PCLAF: variants seen among roughly 807,000 people sequenced by gnomAD.
The protein encoded by PCLAF is PCNA-associated factor.
PCLAF carries 12 observed loss-of-function variants against 15.1 expected under a neutral mutation model. The observed-to-expected ratio is 0.79, with a 90% CI of 0.51 to 1.29. PCLAF has a LOEUF of 1.29. Among genes scored for constraint, PCLAF ranks in the 50% most tolerant of loss-of-function variants. The pLI is 0.00. For synonymous variants in PCLAF, 33 were observed against 47.1 expected (o/e 0.70, Z 1.22); for missense variants, 116 against 130.9 (o/e 0.89, Z 0.56).
At chr15:64,373,124 ATAAATAGAATCATGGAAGCTTTTTCTAT>A (rs1280916649) in intron 3 of PCLAF, 2 of 152,272 alleles carry the variant, frequency 1.3e-5, no homozygotes, top group Non-Finnish European at 2.9e-5. Flanking sequence ...CACATATATA[ATAAATAGAATCATGGAAGCTTTTTCTAT>A]TACCTAATCA....
At chr15:64,386,080 G>A (rs2140538003), upstream of PCLAF, among the ~76,000 whole-genome samples, 1 of 152,188 alleles carries the variant, frequency 6.6e-6, no homozygotes, top group South Asian at 2.1e-4. Flanking sequence ...TATTGGTTCT[G>A]TCTCTGGAGA....
chr15:64,373,919 T>C lies in PCLAF; in HGVS notation c.290+2824A>G, dbSNP rs1047215172. 1.7e-5 allele frequency: 11 copies of C among 630,446 alleles called. No homozygotes were observed. The South Asian group carries it at 6.1e-4, about 35-fold the overall frequency. 39.1% of individuals were successfully genotyped at this position (630,446 alleles called of 1,614,324 possible). A position where few individuals can be genotyped will look rare whatever the true frequency, so the allele number is the denominator to read the frequency against. On this transcript the variant is annotated intron_variant, in intron 3 of 3. Transcript: ENST00000300035. The stretch of plus-strand genomic sequence containing the variant: ...AAGCCTGGACCTTATTAATTACAAA[T>C]CTATAAAAAGGCAGATTTCGAATCT...
Position 64,367,510 on chromosome 15 carries a change from A to C in PCLAF, c.291-1435T>G, listed in dbSNP as rs200675406. ...AAGAGCAAAACTCTGTCTCAAAAAA[A>C]CCCAAAAAAAAAAACAAAAAACAAA... On this transcript the variant is annotated intron_variant, in intron 3 of 3. Coordinates refer to ENST00000300035, the MANE Select transcript of PCLAF (RefSeq NM_014736.6). Among the ~76,000 whole-genome samples, 16 of 19,274 alleles carry C rather than the reference A, an allele frequency of 8.3e-4. No homozygotes were observed. The Non-Finnish European group carries it at 9.7e-3, about 12-fold the overall frequency. The allele number at this position is 19,274 out of a possible 152,430, so 12.6% of individuals were successfully genotyped here.
In PCLAF at chr15:64,373,808, C is replaced by T. The variant is rs1217934814; in HGVS notation, c.290+2935G>A. On this transcript the variant is annotated intron_variant, in intron 3 of 3. Coordinates refer to ENST00000300035, the MANE Select transcript of PCLAF (RefSeq NM_014736.6). ...CAAGTAGGGTCTTATATTCAAGGGG[C>T]ATCATAATGGCAGTGACATCACTCC... 1.3e-5 allele frequency: 20 copies of T among 1,527,582 alleles called. No homozygotes were observed. In the Admixed American group the frequency reaches 4.0e-4, roughly 30 times the overall value. 94.6% of individuals were successfully genotyped at this position (1,527,582 alleles called of 1,614,324 possible). A position where few individuals can be genotyped will look rare whatever the true frequency, so the allele number is the denominator to read the frequency against.
intron 3 of PCLAF, among the ~76,000 whole-genome samples, chr15:64,375,545 G>C (rs1220799623): frequency 6.6e-6 from 1 of 151,908 alleles, no homozygotes; most frequent in Non-Finnish European, 1.5e-5. Context: ...CTAGTGGCTG[G>C]GATTATAGGC....
intron 2 of PCLAF, among the ~76,000 whole-genome samples, chr15:64,378,503 T>G (rs907331090): frequency 2.0e-5 from 3 of 152,188 alleles, no homozygotes; most frequent in Admixed American, 1.3e-4. Flanking sequence ...AACTCCTGGC[T>G]GAGGCAACCG....
chr15:64,378,217 T>C (rs1469925602), intron 2 of PCLAF, among the ~76,000 whole-genome samples: 2 of 152,036 alleles, frequency 1.3e-5, no homozygotes, highest in East Asian at 1.9e-4. Context: ...TGAGCCACCC[T>C]GCCCGGCCAA....
chr15:64,377,016 T>A, intron 2 of PCLAF, 111 bp from the exon 3 acceptor site: 3 of 796,718 alleles, frequency 3.8e-6, no homozygotes, highest in Non-Finnish European at 3.9e-6. Flanking sequence ...TTAAATAATC[T>A]TTATTTAAGA....
chr15:64,371,635 G>T (rs183920632), intron 3 of PCLAF, among the ~76,000 whole-genome samples: 1 of 151,778 alleles, frequency 6.6e-6, no homozygotes, highest in East Asian at 1.9e-4. Context: ...ACAGAGTCTC[G>T]CTCTGTCACC....
chr15:64,370,829 GTTTTTTTTTTTTTTTTT>G (rs10607183), intron 3 of PCLAF, among the ~76,000 whole-genome samples: 1 of 85,766 alleles, frequency 1.2e-5, no homozygotes, highest in Non-Finnish European at 2.3e-5. Flanking sequence ...TCATAAAGTT[GTTTTTTTTTTTTTTTTT>G]TTTTTTTTTT....
At chr15:64,385,195 T>C (rs1046537542), upstream of PCLAF, among the ~76,000 whole-genome samples, 3 of 152,194 alleles carry the variant, frequency 2.0e-5, no homozygotes, top group African/African-American at 7.2e-5. Flanking sequence ...CAGCCACCTA[T>C]GTTATTCTGG....
At position 64,376,774 on chromosome 15, in the gene PCLAF, C is replaced by G; in HGVS notation, c.259G>C (p.Gly87Arg). 2 of 1,613,666 alleles carry G rather than the reference C, an allele frequency of 1.2e-6. No individual in the cohort carries two copies. The highest frequency in any genetic ancestry group is 1.7e-6 in the Non-Finnish European group (2 of 1,179,730). The change falls in exon 3 of 4, where the codon GGA (glycine) becomes CGA (arginine). Residue 87 changes from glycine (G) to arginine (R), a missense_variant. Transcript: ENST00000300035. ...EKENQIPEEA[G>R]SSGLGKAKRK... ...TTTGCTTTTCCTAAGCCACTGCTTC[C>G]TGCCTCTTCAGGAATCTGATTCTCT...
At chr15:64,375,412 G>A (rs774690094) in intron 3 of PCLAF, among the ~76,000 whole-genome samples, 5 of 151,872 alleles carry the variant, frequency 3.3e-5, no homozygotes, top group Non-Finnish European at 7.4e-5. Context: ...GTGAGCCACT[G>A]TGCCAGGCCT....
Position 64,376,744 on chromosome 15 carries a change from T to C in PCLAF, c.289A>G (p.Lys97Glu). The change falls in exon 3 of 4, where the codon AAA becomes GAA. Residue 97 changes from lysine to glutamate, a missense_variant and splice_region_variant. Lys to Glu is a moderately conservative substitution (Grantham distance 56). Transcript: ENST00000300035. ...GSSGLGKAKR[K>E]ACPLQPDHTN... ...ATATTCCAGAATATAAAAACTTACT[T>C]TCTCTTTGCTTTTCCTAAGCCACTG... is the stretch of plus-strand genomic sequence containing the variant. 1.2e-5 allele frequency: 19 copies of C among 1,608,974 alleles called. No individual in the cohort carries two copies. Among genetic ancestry groups the C allele is most frequent in the Non-Finnish European group, 1.6e-5 (19 of 1,177,652 alleles).
intron 3 of PCLAF, among the ~76,000 whole-genome samples, chr15:64,372,540 G>A (rs1255561410): frequency 6.6e-6 from 1 of 152,214 alleles, no homozygotes; most frequent in Non-Finnish European, 1.5e-5. Context: ...CATGAACCCA[G>A]GAGGCGGAGC....
intron 3 of PCLAF, among the ~76,000 whole-genome samples, chr15:64,372,562 C>T (rs1230152814): frequency 1.3e-5 from 2 of 152,092 alleles, no homozygotes; most frequent in Non-Finnish European, 2.9e-5. Flanking sequence ...TGCAGTGAGC[C>T]GAGATAGCGC....
intron 3 of PCLAF, among the ~76,000 whole-genome samples, chr15:64,371,799 G>A (rs952287121): frequency 6.6e-6 from 1 of 151,676 alleles, no homozygotes; most frequent in African/African-American, 2.4e-5. Flanking sequence ...GTTTCACCAT[G>A]TTCTCCAGGA....
At chr15:64,366,888 G>A (rs762877292) in intron 3 of PCLAF, among the ~76,000 whole-genome samples, 16 of 152,000 alleles carry the variant, frequency 1.1e-4, no homozygotes, top group African/African-American at 2.7e-4. Flanking sequence ...CAGGAGAATC[G>A]CTTGAGCATG....
At chr15:64,383,288 G>C (rs1410222510), upstream of PCLAF, among the ~76,000 whole-genome samples, 1 of 151,816 alleles carries the variant, frequency 6.6e-6, no homozygotes, top group Non-Finnish European at 1.5e-5. Context: ...AAATCAACCG[G>C]AAAAATCCAC....
Sources: allele counts gnomAD v4.1 joint callset (sites outside exome capture counted in the v4.1 genomes callset), GRCh38; gene constraint gnomAD v4.1.1; transcripts MANE v1.5; gene names NCBI Gene and HGNC (gene_info 2026-07-23, HGNC 2026-07-21).